The following USP44 variants were observed in gnomAD, a reference collection of about 807,000 sequenced individuals.
USP44 encodes ubiquitin carboxyl-terminal hydrolase 44.
Under a neutral mutation model 69.0 loss-of-function variants are expected in USP44, and 61 were observed. That is an observed-to-expected ratio of 0.88 (90% CI 0.72 to 1.09). USP44 has a LOEUF of 1.09. Among genes scored for constraint, USP44 ranks in the 50% least tolerant of loss-of-function variants. The pLI is 0.00. For missense variants in USP44, 753 were observed against 849.9 expected, an observed-to-expected ratio of 0.89 and a Z score of 1.42; for synonymous variants, 297 against 295.4, an observed-to-expected ratio of 1.01 and a Z score of -0.06.
chr12:95,540,031 C>T (rs753843254), intron 1 of USP44, among the ~76,000 whole-genome samples: 1 of 152,170 alleles, frequency 6.6e-6, no homozygotes, highest in Non-Finnish European at 1.5e-5. Context: ...CCCACAGTTT[C>T]GCATGTAGTG....
intron 2 of USP44, among the ~76,000 whole-genome samples, chr12:95,530,547 G>A (rs866831409): frequency 6.6e-6 from 1 of 152,022 alleles, no homozygotes; most frequent in Non-Finnish European, 1.5e-5. Context: ...GTGTATTAAA[G>A]AAAGAGAAGC....
At chr12:95,537,952 CA>C (rs1180123269) in intron 1 of USP44, among the ~76,000 whole-genome samples, 3 of 152,098 alleles carry the variant, frequency 2.0e-5, no homozygotes, top group South Asian at 2.1e-4. Flanking sequence ...CCCTTGAATA[CA>C]AAAAAAGTAC....
intron 1 of USP44, among the ~76,000 whole-genome samples, chr12:95,539,340 C>T (rs866893225): frequency 6.6e-6 from 1 of 152,008 alleles, no homozygotes; most frequent in Non-Finnish European, 1.5e-5. Flanking sequence ...ATTCTCCTGC[C>T]TCAGCCTCCT....
At chr12:95,547,717 C>A (rs2077618096) in intron 1 of USP44, among the ~76,000 whole-genome samples, 1 of 152,150 alleles carries the variant, frequency 6.6e-6, no homozygotes, top group African/African-American at 2.4e-5. Flanking sequence ...AAGTGCAGGA[C>A]CTGAAGGTCT....
Position 95,522,030 on chromosome 12 carries a change from T to C in USP44, c.1734-828A>G, listed in dbSNP as rs371454031. 22 of 985,384 alleles carry C rather than the reference T, an allele frequency of 2.2e-5. No individual in the cohort carries two copies. The East Asian group carries it at 4.5e-4, about 20-fold the overall frequency. The allele number at this position is 985,384 out of a possible 1,614,324, so 61.0% of individuals were successfully genotyped here. A position where few individuals can be genotyped will look rare whatever the true frequency, so the allele number is the denominator to read the frequency against. ...AACTGAAAGAATGCCCTTACCCTGT[T>C]ATTTTCTCAGTCTGCTGGTCATACT... is the stretch of plus-strand genomic sequence containing the variant. On this transcript the variant is annotated intron_variant, in intron 4 of 5. Transcript: ENST00000258499.
chr12:95,519,432 A>ACTTTTTT (rs199606254), intron 5 of USP44, among the ~76,000 whole-genome samples: 25 of 84,538 alleles, frequency 3.0e-4, no homozygotes, highest in Admixed American at 1.1e-3. Flanking sequence ...CTCAATCTGT[A>ACTTTTTT]TTTTTTTTTT....
intron 3 of USP44, among the ~76,000 whole-genome samples, chr12:95,525,801 C>T (rs756437244): frequency 2.0e-5 from 3 of 152,236 alleles, no homozygotes; most frequent in Non-Finnish European, 2.9e-5. Context: ...CTACAGTTTG[C>T]TCCTGATGTC....
intron 1 of USP44, among the ~76,000 whole-genome samples, chr12:95,550,898 G>GAAGGGAAGAGGCTGGAGACA (rs2077713006): frequency 6.6e-6 from 1 of 152,180 alleles, no homozygotes; most frequent in African/African-American, 2.4e-5. Flanking sequence ...TGCGGAGTGG[G>GAAGGGAAGAGGCTGGAGACA]AAGGGAAGAG....
chr12:95,539,277 G>A (rs1225306362), intron 1 of USP44, among the ~76,000 whole-genome samples: 1 of 149,716 alleles, frequency 6.7e-6, no homozygotes, highest in Non-Finnish European at 1.5e-5. Context: ...CCAGGCTGGA[G>A]TGCAGTGGCG....
chr12:95,549,679 A>G (rs2077687574), intron 1 of USP44, among the ~76,000 whole-genome samples: 1 of 152,242 alleles, frequency 6.6e-6, no homozygotes, highest in Admixed American at 6.5e-5. Flanking sequence ...ACATCAATGC[A>G]GTGCAAAATC....
intron 1 of USP44, among the ~76,000 whole-genome samples, chr12:95,537,330 A>T (rs2077237579): frequency 1.3e-5 from 2 of 152,102 alleles, no homozygotes; most frequent in South Asian, 4.2e-4. Flanking sequence ...ATATTATTTT[A>T]TTTTTTGAGA....
intron 1 of USP44, among the ~76,000 whole-genome samples, chr12:95,539,897 T>C (rs1424630763): frequency 1.3e-5 from 2 of 152,184 alleles, no homozygotes; most frequent in African/African-American, 4.8e-5. Flanking sequence ...CAAAATCAAA[T>C]ATCACAGGTA....
At chr12:95,541,401 C>T (rs11108097) in intron 1 of USP44, among the ~76,000 whole-genome samples, 2 of 151,632 alleles carry the variant, frequency 1.3e-5, no homozygotes, top group Non-Finnish European at 2.9e-5. Flanking sequence ...GAGCAGCCTG[C>T]GCAACATAGT....
intron 3 of USP44, among the ~76,000 whole-genome samples, chr12:95,525,898 C>T (rs2076818653): frequency 6.6e-6 from 1 of 152,218 alleles, no homozygotes; most frequent in Non-Finnish European, 1.5e-5. Context: ...CTCAGTCCAC[C>T]ATGAAGCTGA....
At chr12:95,519,432 A>ACT (rs199606254) in intron 5 of USP44, among the ~76,000 whole-genome samples, 2,885 of 84,550 alleles carry the variant, frequency 0.034, 258 homozygotes, top group Admixed American at 0.12. Flanking sequence ...CTCAATCTGT[A>ACT]TTTTTTTTTT....
chr12:95,538,781 C>T (rs1433840687), intron 1 of USP44, among the ~76,000 whole-genome samples: 1 of 152,158 alleles, frequency 6.6e-6, no homozygotes, highest in African/African-American at 2.4e-5. Flanking sequence ...TAGGGTATCC[C>T]CAAAGGGGTC....
chr12:95,518,142 A>G lies in USP44; in HGVS notation c.*12T>C. The G allele has an allele frequency of 6.2e-7, 1 of 1,613,798 alleles. No individual in the cohort carries two copies. The highest frequency in any genetic ancestry group is 8.5e-7 in the Non-Finnish European group (1 of 1,179,820). ...ATATAAATCACAGGAAGAAAACCCCATTGTCTTTGGATCAGCTAAGGATTT... is the reference window on the plus strand; with the variant it reads ...ATATAAATCACAGGAAGAAAACCCCGTTGTCTTTGGATCAGCTAAGGATTT... On this transcript the variant is annotated 3_prime_UTR_variant, in exon 6 of 6. Transcript: ENST00000258499.
chr12:95,540,342 C>CTTTT (rs61446138), intron 1 of USP44, among the ~76,000 whole-genome samples: 40 of 130,142 alleles, frequency 3.1e-4, no homozygotes, highest in African/African-American at 1.1e-3. Context: ...TTCCATCCAT[C>CTTTT]TTTTTTTTTT....
In USP44 at chr12:95,518,107, A is replaced by C; in HGVS notation, c.*47T>G. ...TTTAAAATGGTACATCAGTCTTTTAAAAAGTATATATATAAATCACAGGAA... is the reference window on the plus strand; with the variant it reads ...TTTAAAATGGTACATCAGTCTTTTACAAAGTATATATATAAATCACAGGAA... On this transcript the variant is annotated 3_prime_UTR_variant, in exon 6 of 6. Coordinates refer to ENST00000258499, the MANE Select transcript of USP44 (RefSeq NM_032147.5). 1 of 1,586,596 alleles carries C rather than the reference A, an allele frequency of 6.3e-7. No homozygotes were observed. Among genetic ancestry groups the C allele is most frequent in the South Asian group, 1.1e-5 (1 of 88,290 alleles).
Sources: allele counts gnomAD v4.1 joint callset (sites outside exome capture counted in the v4.1 genomes callset), GRCh38; gene constraint gnomAD v4.1.1; transcripts MANE v1.5; gene names NCBI Gene and HGNC (gene_info 2026-07-23, HGNC 2026-07-21).